AHRR: variants seen among roughly 807,000 people sequenced by gnomAD.
AHRR encodes aryl hydrocarbon receptor repressor.
A neutral mutation model predicts 44.0 loss-of-function variants in AHRR; 28 were observed. The observed-to-expected ratio is 0.64, with a 90% CI of 0.47 to 0.87. The LOEUF (loss-of-function observed/expected upper bound fraction) is 0.87, where lower values mean the gene tolerates loss of function less well. AHRR is among the 40% of genes least tolerant of loss of function. AHRR has a pLI of 0.00. For missense variants in AHRR, 990 were observed against 953.9 expected (o/e 1.04, Z -0.50); for synonymous variants, 434 against 407.0 (o/e 1.07, Z -0.80).
intron 4 of AHRR, among the ~76,000 whole-genome samples, chr5:402,296 T>C (rs985012808): frequency 3.3e-5 from 5 of 151,526 alleles, no homozygotes; most frequent in Non-Finnish European, 5.9e-5. Flanking sequence ...AGGCAGTCGT[T>C]GATGAGGGTG....
At position 337,981 on chromosome 5, in the gene AHRR, G is replaced by A. The variant is rs115322150; in HGVS notation, c.-10-5912G>A. On this transcript the variant is annotated intron_variant, in intron 1 of 10. Transcript: ENST00000684583. This position sits in a 1 kb window ranked among gnomAD's most constrained non-coding sequence, Gnocchi z 4.1. ...ATAGGAAGAAATGCTGAAAGACTGC[G>A]GCTTATTAATGCAGATCAGGCAGGA... Among the ~76,000 whole-genome samples the A allele has an allele frequency of 1.7e-3, 259 of 152,278 alleles. 2 individuals carry two copies. Among genetic ancestry groups the A allele is most frequent in the African/African-American group, 5.8e-3 (240 of 41,558 alleles).
intron 4 of AHRR, among the ~76,000 whole-genome samples, chr5:377,246 G>A (rs768373841): frequency 3.3e-5 from 5 of 152,278 alleles, no homozygotes; most frequent in Admixed American, 1.3e-4. Flanking sequence ...GCTGTAACGC[G>A]GGGCCTGTTA....
rs1026499312 is a variant in AHRR, at chr5:326,932, G to A, written c.-11+5113G>A. On this transcript the variant is annotated intron_variant, in intron 1 of 10. Transcript: ENST00000684583. This position sits in a 1 kb window ranked among gnomAD's most constrained non-coding sequence, Gnocchi z 4.1. Reference sequence around the variant, plus strand: ...AAATTAGCCAGGCGTGGTGGCACGCGCCTGTAGTCCCAGCTACTCAGGAGG... The same window carrying A: ...AAATTAGCCAGGCGTGGTGGCACGCACCTGTAGTCCCAGCTACTCAGGAGG... Among the ~76,000 whole-genome samples the A allele has an allele frequency of 2.0e-5, 3 of 152,088 alleles. No homozygotes were observed. Among genetic ancestry groups the A allele is most frequent in the Non-Finnish European group, 4.4e-5 (3 of 68,018 alleles).
At chr5:345,971 G>A (rs1423869912) in intron 2 of AHRR, among the ~76,000 whole-genome samples, 1 of 152,192 alleles carries the variant, frequency 6.6e-6, no homozygotes, top group East Asian at 1.9e-4. Context: ...CCAAGGCCTC[G>A]CACTCTCTGT....
chr5:333,838 G>T (rs1742025407), intron 1 of AHRR, among the ~76,000 whole-genome samples: 1 of 152,118 alleles, frequency 6.6e-6, no homozygotes, highest in Admixed American at 6.5e-5. Flanking sequence ...ATACTTTTGT[G>T]TGTTTCCATA....
chr5:352,919 C>G (rs1334997884), intron 2 of AHRR, among the ~76,000 whole-genome samples: 1 of 151,602 alleles, frequency 6.6e-6, no homozygotes, highest in Non-Finnish European at 1.5e-5. Context: ...GGGACGGTCA[C>G]TCTGAGGTTA....
rs769993753 is a variant in AHRR, at chr5:432,993, G to A, written c.1112+46G>A. On this transcript the variant is annotated intron_variant, in intron 10 of 10. Coordinates refer to ENST00000684583, the MANE Select transcript of AHRR (RefSeq NM_001377236.1). The stretch of plus-strand genomic sequence containing the variant: ...TCCCCCAGCCCTGGCAGCTCCCTAA[G>A]TCACCGTGGAGGCCAAAGAGCGGGT... 8 of 1,529,558 alleles carry A rather than the reference G, an allele frequency of 5.2e-6. No individual in the cohort carries two copies. The South Asian group carries it at 1.0e-4, about 20-fold the overall frequency. The allele number at this position is 1,529,558 out of a possible 1,614,324, so 94.7% of individuals were successfully genotyped here.
chr5:353,630 A>G (rs1742937766), intron 2 of AHRR, 100 bp from the exon 3 acceptor site: 2 of 1,112,168 alleles, frequency 1.8e-6, no homozygotes, highest in Non-Finnish European at 2.5e-6. Context: ...GCAGCAGCGT[A>G]GATGCTCCTA....
At chr5:352,344 T>C in intron 2 of AHRR, among the ~76,000 whole-genome samples, 1 of 150,090 alleles carries the variant, frequency 6.7e-6, no homozygotes. Context: ...GTTAAATGGG[T>C]CAGCTGTAGG....
rs560819375 is a variant in AHRR at position 419,557 on chromosome 5, G to A, written c.442-3172G>A. Among the ~76,000 whole-genome samples, 76 of 152,300 alleles carry A rather than the reference G, an allele frequency of 5.0e-4. No homozygotes were observed. The highest frequency in any genetic ancestry group is 1.8e-3 in the African/African-American group (74 of 41,564). ...GGAATGTTGCTTGCCTCTGGATGCT[G>A]GTTCCTCTGCGTTTCACTTCTAAAA... On this transcript the variant is annotated intron_variant, in intron 5 of 10. Transcript: ENST00000684583. This position sits in a 1 kb window ranked among gnomAD's most constrained non-coding sequence, Gnocchi z 4.4.
intron 4 of AHRR, among the ~76,000 whole-genome samples, chr5:400,614 A>C (rs1734974854): frequency 6.6e-6 from 1 of 152,240 alleles, no homozygotes; most frequent in African/African-American, 2.4e-5. Context: ...GAAAACAAAC[A>C]GACGTTCGAG....
rs1298930681 is a variant in AHRR at position 435,911 on chromosome 5, C to G, written c.*1077C>G. 6.5e-6 allele frequency: 1 copy of G among 152,786 alleles called. No individual in the cohort carries two copies. The highest frequency in any genetic ancestry group is 1.9e-4 in the East Asian group (1 of 5,336). The allele number at this position is 152,786 out of a possible 1,614,324, so 9.5% of individuals were successfully genotyped here. A position where few individuals can be genotyped will look rare whatever the true frequency, so the allele number is the denominator to read the frequency against. On this transcript the variant is annotated 3_prime_UTR_variant, in exon 11 of 11. Coordinates refer to ENST00000684583, the MANE Select transcript of AHRR (RefSeq NM_001377236.1). The stretch of plus-strand genomic sequence containing the variant: ...AGCATAAGTCAGAAAGTGAAGGTCA[C>G]CAATCCACCAACCCGAGAACCTACA...
In AHRR at chr5:422,286, G is replaced by A. The variant is rs973306165; in HGVS notation, c.442-443G>A. Reference sequence around the variant, plus strand: ...AGGACTAGAGAGAGGCCTGTGAACTGGCAGGTCCTTGAGGCATCGTGAAAG... The same window carrying A: ...AGGACTAGAGAGAGGCCTGTGAACTAGCAGGTCCTTGAGGCATCGTGAAAG... On this transcript the variant is annotated intron_variant, in intron 5 of 10. Transcript: ENST00000684583. The A allele has an allele frequency of 7.0e-5, 18 of 255,842 alleles. No homozygotes were observed. In the East Asian group the frequency reaches 2.0e-3, roughly 29 times the overall value. 15.8% of individuals were successfully genotyped at this position (255,842 alleles called of 1,614,324 possible).
intron 3 of AHRR, among the ~76,000 whole-genome samples, chr5:355,469 C>T (rs534832299): frequency 2.6e-5 from 4 of 152,310 alleles, no homozygotes; most frequent in South Asian, 2.1e-4. Flanking sequence ...GGCTTTGTCC[C>T]GAGCTGAAGA....
intron 2 of AHRR, among the ~76,000 whole-genome samples, chr5:353,222 G>A (rs2126393225): frequency 6.6e-6 from 1 of 152,316 alleles, no homozygotes; most frequent in African/African-American, 2.4e-5. Flanking sequence ...GAGAAACCAA[G>A]CTCGGAGCGG....
chr5:343,498 C>CGGGAACACGGGAT (rs1742437826), intron 1 of AHRR: 3 of 239,582 alleles, frequency 1.3e-5, no homozygotes, highest in African/African-American at 7.8e-5. Context: ...TCCCGCGTGA[C>CGGGAACACGGGAT]GAGTGTTTGG....
At chr5:371,284 C>T (rs1428142363) in intron 3 of AHRR, among the ~76,000 whole-genome samples, 2 of 152,202 alleles carry the variant, frequency 1.3e-5, no homozygotes, top group Non-Finnish European at 2.9e-5. Context: ...CCCAACACAG[C>T]AGGCACGATG....
At position 353,793 on chromosome 5, in the gene AHRR, CG is replaced by C; in HGVS notation, c.127del (p.Glu43SerfsTer34). On this transcript the variant is annotated frameshift_variant, in exon 3 of 11. Coordinates refer to ENST00000684583, the MANE Select transcript of AHRR (RefSeq NM_001377236.1). ...SKRHRDRLNA[E>X]LDHLASLLPF... Reference sequence around the variant, plus strand: ...AGCGACACCGGGACCGCCTCAACGCCGAGTTGGACCACCTGGCCAGCCTGCT... The same window carrying C: ...AGCGACACCGGGACCGCCTCAACGCCAGTTGGACCACCTGGCCAGCCTGCT... 1 of 1,613,874 alleles carries C rather than the reference CG, an allele frequency of 6.2e-7. No homozygotes were observed.
At chr5:339,384 G>A (rs1417955998) in intron 1 of AHRR, among the ~76,000 whole-genome samples, 1 of 152,218 alleles carries the variant, frequency 6.6e-6, no homozygotes, top group African/African-American at 2.4e-5. Context: ...GCCTCCCAAA[G>A]TGCTGGGATT....
Sources: gnomAD v4.1 joint callset for allele counts (sites outside exome capture counted in the v4.1 genomes callset) on GRCh38, gnomAD v4.1.1 for gene constraint, Gnocchi (gnomAD v3.1) non-coding constraint, MANE v1.5 for transcripts, NCBI Gene and HGNC (gene_info 2026-07-23, HGNC 2026-07-21) for gene names.